The following POLR1H variants were observed in gnomAD, a reference collection of about 807,000 sequenced individuals.
POLR1H encodes RNA polymerase I subunit H, also known as DNA-directed RNA polymerase I subunit RPA12.
In POLR1H, 5 loss-of-function variants were observed where a neutral mutation model predicts 15.8. That is an observed-to-expected ratio of 0.32 (90% CI 0.17 to 0.67). POLR1H has a LOEUF of 0.67. Among genes scored for constraint, POLR1H ranks in the 30% least tolerant of loss-of-function variants. The probability of loss-of-function intolerance (pLI) is 0.74; values close to 1 mark genes in which losing one functional copy is unlikely to be tolerated. For missense variants in POLR1H, 100 were observed against 163.4 expected (o/e 0.61, Z 2.11); for synonymous variants, 43 against 58.3 (o/e 0.74, Z 1.20).
chr6:30,062,104 C>A, intron 2 of POLR1H, 87 bp downstream of exon 2: 1 of 1,466,202 alleles, frequency 6.8e-7, no homozygotes, highest in Non-Finnish European at 9.5e-7. Flanking sequence ...GAGTTTTGTG[C>A]CCAATTCCAA....
chr6:30,062,236 T>C lies in POLR1H; in HGVS notation c.259T>C (p.Cys87Arg). The change falls in exon 3 of 4, where the codon TGC (cysteine) becomes CGC (arginine). Residue 87 changes from cysteine (C) to arginine (R), a missense_variant. Physicochemically the swap from Cys to Arg is radical, Grantham distance 180. Coordinates refer to ENST00000332435, the MANE Select transcript of POLR1H (RefSeq NM_170783.4). ...ECQGPVVDRR[C>R]PRCGHEGMAY... is the part of the protein sequence containing the mutation. ...AGTTTCTTCCCAGGTTGACAGGCGC[T>C]GCCCTCGATGTGGTCATGAAGGAAT... is the stretch of plus-strand genomic sequence containing the variant. 6.2e-7 allele frequency: 1 copy of C among 1,612,968 alleles called. No homozygotes were observed. Among genetic ancestry groups the C allele is most frequent in the Admixed American group, 1.7e-5 (1 of 60,024 alleles).
In POLR1H at chr6:30,061,706, G is replaced by T; in HGVS notation, c.145+37G>T. On this transcript the variant is annotated intron_variant, in intron 1 of 3. Transcript: ENST00000332435. This position sits in a 1 kb window ranked among gnomAD's most constrained non-coding sequence, Gnocchi z 5.0. ...GTACGCAGGGGTCCTGGCGGAGGGC[G>T]CAGGGTCGGAAGCTTGGGGAACTCA... 1 of 1,610,784 alleles carries T rather than the reference G, an allele frequency of 6.2e-7. No individual in the cohort carries two copies. The highest frequency in any genetic ancestry group is 8.5e-7 in the Non-Finnish European group (1 of 1,178,366).
chr6:30,062,407 C>T (rs1015306050), intron 3 of POLR1H, 74 bp downstream of exon 3: 92 of 1,010,130 alleles, frequency 9.1e-5, no homozygotes, highest in Middle Eastern at 2.0e-4. Flanking sequence ...TTTTTTTGTA[C>T]GAAATGGCCG....
In POLR1H at chr6:30,063,560, CTA is replaced by C. The variant is rs1765282334; in HGVS notation, c.357-1111_357-1110del. 2.0e-5 allele frequency among the ~76,000 whole-genome samples: 3 copies of C among 151,420 alleles called. No homozygotes were observed. The East Asian group carries it at 5.8e-4, about 29-fold the overall frequency. On this transcript the variant is annotated intron_variant, in intron 3 of 3. Transcript: ENST00000332435. This position sits in a 1 kb window ranked among gnomAD's most constrained non-coding sequence, Gnocchi z 4.1. ...AAATATTAAATATGGTTATTATATT[CTA>C]TGTCTTATAATTCTGATATCTGCGG...
In POLR1H at chr6:30,061,736, C is replaced by T; in HGVS notation, c.145+67C>T. 6.2e-7 allele frequency: 1 copy of T among 1,603,824 alleles called. No individual in the cohort carries two copies. Among genetic ancestry groups the T allele is most frequent in the Non-Finnish European group, 8.5e-7 (1 of 1,173,572 alleles). ...GTCGGAAGCTTGGGGAACTCAAGAT[C>T]GGTTGGGTTGAGGAGGGGATCCTAG... On this transcript the variant is annotated intron_variant, in intron 1 of 3. Transcript: ENST00000332435. The surrounding 1 kb of genome is among the most constrained non-coding windows in gnomAD (Gnocchi z 5.0).
At chr6:30,060,680 G>A (rs1239638851), upstream of POLR1H, 3 of 152,194 alleles carry the variant, frequency 2.0e-5, no homozygotes, top group Non-Finnish European at 4.4e-5. Context: ...CGTCCCGTGG[G>A]ACTAAGCATT....
At position 30,061,396 on chromosome 6, in the gene POLR1H, G is replaced by A. The variant is rs1383123719; in HGVS notation, c.-129G>A. The A allele has an allele frequency of 5.9e-6, 6 of 1,022,758 alleles. No homozygotes were observed. The highest frequency in any genetic ancestry group is 2.5e-5 in the East Asian group (1 of 39,430). 63.4% of individuals were successfully genotyped at this position (1,022,758 alleles called of 1,614,324 possible). On this transcript the variant is annotated 5_prime_UTR_variant, in exon 1 of 4. Coordinates refer to ENST00000332435, the MANE Select transcript of POLR1H (RefSeq NM_170783.4). This position sits in a 1 kb window ranked among gnomAD's most constrained non-coding sequence, Gnocchi z 5.0. ...CGGCTCCTTGGTCGCAGAGGCAGGA[G>A]GCGTGCGTGGCAGGAGGGTTCGGGT... is the stretch of plus-strand genomic sequence containing the variant.
Position 30,062,420 on chromosome 6 carries a change from T to A in POLR1H, c.356+87T>A, listed in dbSNP as rs368504853. The A allele has an allele frequency of 3.9e-4, 330 of 849,342 alleles. 26 individuals carry two copies. Among genetic ancestry groups the A allele is most frequent in the East Asian group, 1.7e-3 (65 of 37,936 alleles). The allele number at this position is 849,342 out of a possible 1,614,324, so 52.6% of individuals were successfully genotyped here. A position where few individuals can be genotyped will look rare whatever the true frequency, so the allele number is the denominator to read the frequency against. ...TATTTTTTTGTACGAAATGGCCGTT[T>A]CCCTTGGTCCCATCCCTTATTTCTG... is the stretch of plus-strand genomic sequence containing the variant. On this transcript the variant is annotated intron_variant, in intron 3 of 3. Coordinates refer to ENST00000332435, the MANE Select transcript of POLR1H (RefSeq NM_170783.4).
At position 30,064,757 on chromosome 6, in the gene POLR1H, T is replaced by C. The variant is rs970135068; in HGVS notation, c.*60T>C. ...CTTTCGGAAGGTGAAGGATACTGGG[T>C]TTTTAGATGCCTTGTCCATCCTGTC... On this transcript the variant is annotated 3_prime_UTR_variant, in exon 4 of 4. Transcript: ENST00000332435. The C allele has an allele frequency of 9.5e-6, 14 of 1,480,196 alleles. No individual in the cohort carries two copies. The highest frequency in any genetic ancestry group is 4.7e-5 in the East Asian group (2 of 42,790). The allele number at this position is 1,480,196 out of a possible 1,614,324, so 91.7% of individuals were successfully genotyped here. A position where few individuals can be genotyped will look rare whatever the true frequency, so the allele number is the denominator to read the frequency against.
chr6:30,062,088 T>C (rs1457454140), intron 2 of POLR1H, 71 bp downstream of exon 2: 3 of 1,522,132 alleles, frequency 2.0e-6, no homozygotes, highest in African/African-American at 2.7e-5. Flanking sequence ...ATTGCAAAGC[T>C]CTGGAGAGTT....
At position 30,064,789 on chromosome 6, in the gene POLR1H, C is replaced by A; in HGVS notation, c.*92C>A. 1 of 1,156,016 alleles carries A rather than the reference C, an allele frequency of 8.7e-7. No homozygotes were observed. The highest frequency in any genetic ancestry group is 2.0e-5 in the Admixed American group (1 of 49,724). 71.6% of individuals were successfully genotyped at this position (1,156,016 alleles called of 1,614,324 possible). ...ATGCCTTGTCCATCCTGTCTGGTTG[C>A]AATGTTTTGCTCCCAGAAGAGAATC... On this transcript the variant is annotated 3_prime_UTR_variant, in exon 4 of 4. Transcript: ENST00000332435.
At position 30,062,338 on chromosome 6, in the gene POLR1H, G is replaced by T; in HGVS notation, c.356+5G>T. ...CTACACCTGTACCAACTGCAAGTGAGTATTCTTTCCCCTCCCTCTGCTCAG... is the reference window on the plus strand; with the variant it reads ...CTACACCTGTACCAACTGCAAGTGATTATTCTTTCCCCTCCCTCTGCTCAG... On this transcript the variant is annotated splice_donor_5th_base_variant and intron_variant, in intron 3 of 3. Transcript: ENST00000332435. 6.3e-7 allele frequency: 1 copy of T among 1,587,554 alleles called. No homozygotes were observed. The highest frequency in any genetic ancestry group is 8.6e-7 in the Non-Finnish European group (1 of 1,156,928).
In POLR1H at chr6:30,064,742, G is replaced by T. The variant is rs749458555; in HGVS notation, c.*45G>T. On this transcript the variant is annotated 3_prime_UTR_variant, in exon 4 of 4. Coordinates refer to ENST00000332435, the MANE Select transcript of POLR1H (RefSeq NM_170783.4). ...TACAGTCCCTCCCTCCTTTCGGAAG[G>T]TGAAGGATACTGGGTTTTTAGATGC... The T allele has an allele frequency of 3.1e-6, 5 of 1,587,658 alleles. No individual in the cohort carries two copies. In the Middle Eastern group the frequency reaches 6.7e-4, roughly 212 times the overall value.
intron 3 of POLR1H, among the ~76,000 whole-genome samples, chr6:30,062,620 G>C (rs923573753): frequency 2.5e-5 from 3 of 121,610 alleles, no homozygotes; most frequent in African/African-American, 9.6e-5. Context: ...AGGCAATCTT[G>C]GCTCACTGCA....
intron 3 of POLR1H, 35 bp downstream of exon 3, chr6:30,062,368 TTTGC>T (rs749450660): frequency 7.1e-7 from 1 of 1,404,406 alleles, no homozygotes; most frequent in East Asian, 2.3e-5. Flanking sequence ...GCTCAGTCTG[TTTGC>T]TAACTAAACA....
intron 3 of POLR1H, 151 bp downstream of exon 3, chr6:30,062,484 A>G (rs1765163192): frequency 4.4e-6 from 2 of 451,676 alleles, no homozygotes; most frequent in South Asian, 9.0e-5. Context: ...GTTGTTTTTT[A>G]TTTTTTTAAG....
chr6:30,064,774 C>T lies in POLR1H; in HGVS notation c.*77C>T. The T allele has an allele frequency of 1.5e-6, 2 of 1,337,266 alleles. No individual in the cohort carries two copies. The highest frequency in any genetic ancestry group is 2.1e-6 in the Non-Finnish European group (2 of 951,214). 82.8% of individuals were successfully genotyped at this position (1,337,266 alleles called of 1,614,324 possible). A position where few individuals can be genotyped will look rare whatever the true frequency, so the allele number is the denominator to read the frequency against. ...ATACTGGGTTTTTAGATGCCTTGTC[C>T]ATCCTGTCTGGTTGCAATGTTTTGC... On this transcript the variant is annotated 3_prime_UTR_variant, in exon 4 of 4. Coordinates refer to ENST00000332435, the MANE Select transcript of POLR1H (RefSeq NM_170783.4).
intron 2 of POLR1H, 92 bp downstream of exon 2, chr6:30,062,109 T>A: frequency 6.8e-7 from 1 of 1,466,352 alleles, no homozygotes; most frequent in South Asian, 1.1e-5. Flanking sequence ...TTGTGCCCAA[T>A]TCCAAGAGGG....
chr6:30,064,327 A>AT (rs1197347560), intron 3 of POLR1H, among the ~76,000 whole-genome samples: 7 of 150,412 alleles, frequency 4.7e-5, no homozygotes, highest in Admixed American at 1.3e-4. Flanking sequence ...TAAAAAGAAG[A>AT]TTTTTTTTCC....
Sources: gnomAD v4.1 joint callset for allele counts (sites outside exome capture counted in the v4.1 genomes callset) on GRCh38, gnomAD v4.1.1 for gene constraint, Gnocchi (gnomAD v3.1) non-coding constraint, MANE v1.5 for transcripts, NCBI Gene and HGNC (gene_info 2026-07-23, HGNC 2026-07-21) for gene names.